The following RALGPS1 variants were observed in gnomAD, a reference collection of about 807,000 sequenced individuals.
RALGPS1 encodes the protein ras-specific guanine nucleotide-releasing factor RalGPS1.
In RALGPS1, 19 loss-of-function variants were observed where a neutral mutation model predicts 78.8. The observed-to-expected ratio is 0.24, with a 90% CI of 0.17 to 0.35. RALGPS1 has a LOEUF of 0.35. Among genes scored for constraint, RALGPS1 ranks in the 10% least tolerant of loss-of-function variants. RALGPS1 has a pLI of 1.00. For synonymous variants in RALGPS1, 228 were observed against 256.3 expected (o/e 0.89, Z 1.06); for missense variants, 454 against 688.3 (o/e 0.66, Z 3.81).
chr9:127,199,190 C>T, intron 14 of RALGPS1, 124 bp downstream of exon 14: 1 of 878,064 alleles, frequency 1.1e-6, no homozygotes, highest in Non-Finnish European at 1.9e-6. Flanking sequence ...TCTGTGGCTC[C>T]TTCAGCAGAC....
chr9:126,998,791 G>A (rs2043012134), intron 4 of RALGPS1, among the ~76,000 whole-genome samples: 1 of 151,816 alleles, frequency 6.6e-6, no homozygotes, highest in African/African-American at 2.4e-5. Context: ...ACGATAGACT[G>A]GATTAAGAAA....
Position 127,091,667 on chromosome 9 carries a change from T to C in RALGPS1, c.610+22311T>C. 1 of 1,611,586 alleles carries C rather than the reference T, an allele frequency of 6.2e-7. No individual in the cohort carries two copies. The highest frequency in any genetic ancestry group is 1.7e-5 in the Admixed American group (1 of 59,984). On this transcript the variant is annotated intron_variant, in intron 8 of 18. Coordinates refer to ENST00000259351, the MANE Select transcript of RALGPS1 (RefSeq NM_014636.3). This position sits in a 1 kb window ranked among gnomAD's most constrained non-coding sequence, Gnocchi z 4.3. ...CACCTGGGTTTGACTCCACTTTTCC[T>C]ACCTGTGTAGACATCATGATCTCTG...
rs578188428 is a variant in RALGPS1 at position 126,916,038 on chromosome 9, T to C, written c.-66+1063T>C. 1.2e-4 allele frequency among the ~76,000 whole-genome samples: 18 copies of C among 152,288 alleles called. No individual in the cohort carries two copies. The South Asian group carries it at 3.5e-3, about 30-fold the overall frequency. On this transcript the variant is annotated intron_variant, in intron 1 of 18. Transcript: ENST00000259351. ...TTCCTCCGTTGCAAAATGAGCATGT[T>C]AGTACCTGCCTGTGTGCCTCCCAGG...
At chr9:126,969,315 G>A (rs1339937447) in intron 3 of RALGPS1, among the ~76,000 whole-genome samples, 1 of 152,204 alleles carries the variant, frequency 6.6e-6, no homozygotes, top group East Asian at 1.9e-4. Context: ...TTACACCACA[G>A]TGCAGTGCCT....
intron 5 of RALGPS1, among the ~76,000 whole-genome samples, chr9:127,047,930 A>G (rs1447905320): frequency 6.6e-6 from 1 of 152,192 alleles, no homozygotes; most frequent in African/African-American, 2.4e-5. Context: ...TGCTGATTCT[A>G]CCTTTGTAAT....
chr9:127,095,444 A>G (rs1038101857), intron 8 of RALGPS1, among the ~76,000 whole-genome samples: 6 of 152,230 alleles, frequency 3.9e-5, no homozygotes, highest in Non-Finnish European at 7.3e-5. Context: ...GAGACTGGTT[A>G]AGGACAAAAG....
chr9:126,965,301 C>T (rs2039366867), intron 2 of RALGPS1, among the ~76,000 whole-genome samples: 1 of 152,216 alleles, frequency 6.6e-6, no homozygotes, highest in African/African-American at 2.4e-5. Flanking sequence ...GAGCTACTTT[C>T]ACATTTTGTG....
intron 8 of RALGPS1, among the ~76,000 whole-genome samples, chr9:127,109,395 G>A (rs2054578992): frequency 6.6e-6 from 1 of 152,224 alleles, no homozygotes; most frequent in Admixed American, 6.5e-5. Flanking sequence ...CGTTAGACAT[G>A]TTATGGAATA....
intron 3 of RALGPS1, among the ~76,000 whole-genome samples, chr9:126,966,772 T>A (rs1182353833): frequency 6.6e-6 from 1 of 152,008 alleles, no homozygotes; most frequent in Non-Finnish European, 1.5e-5. Context: ...TTGGGCAATT[T>A]AAAAAAATAT....
intron 4 of RALGPS1, among the ~76,000 whole-genome samples, chr9:126,994,513 A>G (rs1447683175): frequency 6.6e-6 from 1 of 152,218 alleles, no homozygotes; most frequent in African/African-American, 2.4e-5. Context: ...AAAGCCTCCA[A>G]GAAATATGGG....
intron 4 of RALGPS1, among the ~76,000 whole-genome samples, chr9:126,989,250 AG>A (rs1293841499): frequency 1.3e-5 from 2 of 152,244 alleles, no homozygotes; most frequent in Non-Finnish European, 1.5e-5. Context: ...CTGTGCTTGA[AG>A]GTGTGATGGC....
chr9:126,944,086 C>T (rs1211090222), intron 1 of RALGPS1, among the ~76,000 whole-genome samples: 2 of 152,220 alleles, frequency 1.3e-5, no homozygotes, highest in African/African-American at 4.8e-5. Flanking sequence ...CTTGCCTGAA[C>T]TTGATCTGTG....
intron 8 of RALGPS1, among the ~76,000 whole-genome samples, chr9:127,134,685 GT>G (rs2057274148): frequency 6.6e-6 from 1 of 152,120 alleles, no homozygotes. Flanking sequence ...TCTTCATTTT[GT>G]TTTTGTTGTT....
intron 14 of RALGPS1, among the ~76,000 whole-genome samples, chr9:127,200,075 T>C (rs932354735): frequency 1.3e-5 from 2 of 152,100 alleles, no homozygotes; most frequent in Non-Finnish European, 1.5e-5. Context: ...CACACGTGGG[T>C]GTATACACTC....
Position 127,135,171 on chromosome 9 carries a change from C to G in RALGPS1, c.611-30898C>G, listed in dbSNP as rs527842434. Among the ~76,000 whole-genome samples the G allele has an allele frequency of 2.7e-4, 41 of 152,280 alleles. No individual in the cohort carries two copies. The South Asian group carries it at 8.3e-3, about 31-fold the overall frequency. ...TTGGGGAGGGAGATTGACACGTAGC[C>G]CCTGGAGTTTGGGTCACATTGAACA... is the stretch of plus-strand genomic sequence containing the variant. On this transcript the variant is annotated intron_variant, in intron 8 of 18. Transcript: ENST00000259351.
chr9:127,139,544 G>A (rs1020015499), intron 8 of RALGPS1, among the ~76,000 whole-genome samples: 1 of 152,262 alleles, frequency 6.6e-6, no homozygotes, highest in Admixed American at 6.5e-5. Context: ...CTTGGGCTCT[G>A]TGCATAGCAG....
chr9:127,096,009 G>T (rs2053089998), intron 8 of RALGPS1, among the ~76,000 whole-genome samples: 1 of 152,130 alleles, frequency 6.6e-6, no homozygotes, highest in African/African-American at 2.4e-5. Context: ...TTCTGGGGAG[G>T]AAGGATCTTC....
intron 7 of RALGPS1, among the ~76,000 whole-genome samples, chr9:127,066,730 T>C (rs530363147): frequency 6.6e-6 from 1 of 152,312 alleles, no homozygotes; most frequent in African/African-American, 2.4e-5. Context: ...ATTGGCAAAT[T>C]TCTCATCCTT....
At chr9:126,983,260 T>C (rs1457148396) in intron 4 of RALGPS1, among the ~76,000 whole-genome samples, 1 of 151,366 alleles carries the variant, frequency 6.6e-6, no homozygotes, top group Non-Finnish European at 1.5e-5. Context: ...ACATTTCTTA[T>C]TGTTAACAAT....
Sources: allele counts gnomAD v4.1 joint callset (sites outside exome capture counted in the v4.1 genomes callset), GRCh38; gene constraint gnomAD v4.1.1; non-coding constraint Gnocchi (gnomAD v3.1); transcripts MANE v1.5; gene names NCBI Gene and HGNC (gene_info 2026-07-23, HGNC 2026-07-21).